The following PPM1E variants were observed in gnomAD, a reference collection of about 807,000 sequenced individuals.
The protein encoded by PPM1E is protein phosphatase 1E.
A neutral mutation model predicts 65.9 loss-of-function variants in PPM1E; 20 were observed. That is an observed-to-expected ratio of 0.30 (90% confidence interval 0.21 to 0.44). The LOEUF is 0.44. PPM1E is among the 20% of genes least tolerant of loss of function. The pLI, the probability that PPM1E is intolerant of heterozygous loss-of-function variation, is 1.00. For synonymous variants in PPM1E, 352 were observed against 374.9 expected, an observed-to-expected ratio of 0.94 and a Z score of 0.70; for missense variants, 713 against 953.1, an observed-to-expected ratio of 0.75 and a Z score of 3.32.
At chr17:58,786,050 T>G (rs2050097285) in intron 1 of PPM1E, among the ~76,000 whole-genome samples, 1 of 150,842 alleles carries the variant, frequency 6.6e-6, no homozygotes, top group African/African-American at 2.4e-5. Flanking sequence ...AGTCTCACTC[T>G]GTCGCCCAGG....
At chr17:58,825,222 ACT>A (rs1262312072) in intron 1 of PPM1E, among the ~76,000 whole-genome samples, 13 of 105,354 alleles carry the variant, frequency 1.2e-4, no homozygotes, top group South Asian at 1.1e-3. Flanking sequence ...TCACACACAC[ACT>A]CACACACACA....
At chr17:58,907,021 G>A (rs1908640567) in intron 1 of PPM1E, among the ~76,000 whole-genome samples, 1 of 152,174 alleles carries the variant, frequency 6.6e-6, no homozygotes, top group Non-Finnish European at 1.5e-5. Flanking sequence ...TGGATCACGA[G>A]GTCAGGAGAT....
chr17:58,835,035 T>C (rs1299246079), intron 1 of PPM1E, among the ~76,000 whole-genome samples: 2 of 152,188 alleles, frequency 1.3e-5, no homozygotes, highest in Non-Finnish European at 1.5e-5. Flanking sequence ...TCTCCAGTTA[T>C]TTAGGTCATT....
At chr17:58,841,106 T>C (rs2143216509) in intron 1 of PPM1E, among the ~76,000 whole-genome samples, 1 of 152,348 alleles carries the variant, frequency 6.6e-6, no homozygotes, top group South Asian at 2.1e-4. Flanking sequence ...TTGTTGTTGC[T>C]AACTTATCAG....
At chr17:58,862,552 A>G (rs979023867) in intron 1 of PPM1E, among the ~76,000 whole-genome samples, 1 of 152,194 alleles carries the variant, frequency 6.6e-6, no homozygotes, top group Non-Finnish European at 1.5e-5. Context: ...ATATACTTGT[A>G]TCCTTGTGAT....
intron 1 of PPM1E, among the ~76,000 whole-genome samples, chr17:58,850,719 T>C (rs2050818326): frequency 6.6e-6 from 1 of 152,216 alleles, no homozygotes; most frequent in Non-Finnish European, 1.5e-5. Context: ...ATTTTTTCCT[T>C]CATTTCAACT....
At chr17:58,924,193 T>C (rs1210126979) in intron 1 of PPM1E, among the ~76,000 whole-genome samples, 2 of 149,050 alleles carry the variant, frequency 1.3e-5, no homozygotes, top group African/African-American at 5.0e-5. Context: ...GTGCTGGCAT[T>C]ACAGGTGTGA....
At chr17:58,824,987 A>G (rs1289221356) in intron 1 of PPM1E, among the ~76,000 whole-genome samples, 8 of 151,958 alleles carry the variant, frequency 5.3e-5, no homozygotes, top group Non-Finnish European at 1.0e-4. Context: ...ATGCAAAGGC[A>G]TAAGAAGGAC....
chr17:58,829,663 GT>G (rs912864930), intron 1 of PPM1E, among the ~76,000 whole-genome samples: 29 of 151,994 alleles, frequency 1.9e-4, no homozygotes, highest in African/African-American at 7.0e-4. Context: ...CAGTTTTGTG[GT>G]TTTCATTTCT....
intron 1 of PPM1E, among the ~76,000 whole-genome samples, chr17:58,895,639 C>A (rs1456453971): frequency 6.6e-6 from 1 of 151,646 alleles, no homozygotes; most frequent in African/African-American, 2.4e-5. Flanking sequence ...ACCCCCATCT[C>A]TACAAAAAAT....
intron 1 of PPM1E, among the ~76,000 whole-genome samples, chr17:58,916,141 A>G (rs569776509): frequency 6.6e-6 from 1 of 152,204 alleles, no homozygotes; most frequent in Non-Finnish European, 1.5e-5. Context: ...CACTGCATTT[A>G]AATAGATTTT....
At chr17:58,830,289 G>GTTATTATTATTA (rs1266465673) in intron 1 of PPM1E, among the ~76,000 whole-genome samples, 1 of 121,084 alleles carries the variant, frequency 8.3e-6, no homozygotes, top group Non-Finnish European at 1.8e-5. Context: ...TGTTGTTGTT[G>GTTATTATTATTA]TTGTTATTAT....
chr17:58,881,268 C>T (rs1342992499), intron 1 of PPM1E, among the ~76,000 whole-genome samples: 1 of 152,214 alleles, frequency 6.6e-6, no homozygotes, highest in Non-Finnish European at 1.5e-5. Flanking sequence ...GTGGCTCATC[C>T]CTGTAATCGC....
chr17:58,927,528 C>T (rs1161264938), intron 1 of PPM1E, among the ~76,000 whole-genome samples: 8 of 152,098 alleles, frequency 5.3e-5, no homozygotes, highest in Non-Finnish European at 1.0e-4. Flanking sequence ...TTAAGTGTTT[C>T]GGTTGCAGTT....
intron 1 of PPM1E, among the ~76,000 whole-genome samples, chr17:58,940,837 C>T (rs866567103): frequency 3.3e-5 from 5 of 152,032 alleles, no homozygotes; most frequent in Non-Finnish European, 4.4e-5. Flanking sequence ...CAGCCTCCCA[C>T]GTAGCTGGGG....
chr17:58,895,777 T>C (rs1201161919), intron 1 of PPM1E, among the ~76,000 whole-genome samples: 1 of 151,952 alleles, frequency 6.6e-6, no homozygotes, highest in Non-Finnish European at 1.5e-5. Flanking sequence ...ACGACTGCAC[T>C]TCAGCCTGGG....
chr17:58,767,802 T>G (rs1356879721), intron 1 of PPM1E, among the ~76,000 whole-genome samples: 2 of 151,280 alleles, frequency 1.3e-5, no homozygotes, highest in African/African-American at 4.9e-5. Context: ...ACCACCACGC[T>G]GGGCTAATTT....
intron 1 of PPM1E, among the ~76,000 whole-genome samples, chr17:58,914,231 T>G (rs1162073762): frequency 6.6e-6 from 1 of 152,212 alleles, no homozygotes; most frequent in African/African-American, 2.4e-5. Context: ...ATGGTGTGTT[T>G]GACAAAACTA....
chr17:58,866,085 A>G (rs969334579), intron 1 of PPM1E, among the ~76,000 whole-genome samples: 1 of 152,188 alleles, frequency 6.6e-6, no homozygotes, highest in South Asian at 2.1e-4. Context: ...CTCTTTCACA[A>G]AGAGTGTCTA....
Sources: gnomAD v4.1 joint callset for allele counts (sites outside exome capture counted in the v4.1 genomes callset) on GRCh38, gnomAD v4.1.1 for gene constraint, MANE v1.5 for transcripts, NCBI Gene and HGNC (gene_info 2026-07-23, HGNC 2026-07-21) for gene names.